The following ANKRD28 variants were observed in gnomAD, a reference collection of about 807,000 sequenced individuals.
The protein encoded by ANKRD28 is ankyrin repeat domain 28.
ANKRD28 carries 44 observed loss-of-function variants against 126.5 expected under a neutral mutation model. The ratio of observed to expected loss-of-function variants is 0.35; its 90% confidence interval spans 0.27 to 0.45. The LOEUF (loss-of-function observed/expected upper bound fraction) is 0.45. Among genes scored for constraint, ANKRD28 ranks in the 20% least tolerant of loss-of-function variants. The pLI is 1.00. For synonymous variants in ANKRD28, 442 were observed against 468.5 expected, an observed-to-expected ratio of 0.94 and a Z score of 0.73; for missense variants, 1,110 against 1,316.6, an observed-to-expected ratio of 0.84 and a Z score of 2.43.
intron 1 of ANKRD28, among the ~76,000 whole-genome samples, chr3:15,858,997 C>T (rs1004687102): frequency 1.1e-4 from 16 of 152,206 alleles, no homozygotes; most frequent in Admixed American, 3.3e-4. Flanking sequence ...AGGTCGTGAC[C>T]CTGGGTCACG....
At chr3:15,807,122 A>G (rs2060600479) in intron 1 of ANKRD28, among the ~76,000 whole-genome samples, 1 of 152,190 alleles carries the variant, frequency 6.6e-6, no homozygotes, top group Admixed American at 6.5e-5. Flanking sequence ...GCCACATGTT[A>G]ATTGTTATAC....
At position 15,670,047 on chromosome 3, in the gene ANKRD28, T is replaced by C; in HGVS notation, c.*223A>G. ...AACAATTCCACAAAGAATTCTGACA[T>C]CAATGTGTTTTCCTCAGTCAGGTCT... On this transcript the variant is annotated 3_prime_UTR_variant, in exon 28 of 28. Coordinates refer to ENST00000683139, the MANE Select transcript of ANKRD28 (RefSeq NM_001349278.2). The C allele has an allele frequency of 2.0e-6, 1 of 511,376 alleles. No homozygotes were observed. Among genetic ancestry groups the C allele is most frequent in the Admixed American group, 3.4e-5 (1 of 29,354 alleles). 31.7% of individuals were successfully genotyped at this position (511,376 alleles called of 1,614,324 possible). A position where few individuals can be genotyped will look rare whatever the true frequency, so the allele number is the denominator to read the frequency against.
intron 1 of ANKRD28, among the ~76,000 whole-genome samples, chr3:15,856,272 G>A (rs773836563): frequency 2.0e-5 from 3 of 152,040 alleles, no homozygotes; most frequent in African/African-American, 4.8e-5. Flanking sequence ...TAACATACTT[G>A]TTGTTCTTAT....
intron 14 of ANKRD28, among the ~76,000 whole-genome samples, chr3:15,698,190 C>A (rs550000963): frequency 6.6e-6 from 1 of 152,084 alleles, no homozygotes; most frequent in East Asian, 1.9e-4. Context: ...AATTCAACAG[C>A]ACTTCATGCT....
At chr3:15,825,677 A>G (rs547279236) in intron 1 of ANKRD28, among the ~76,000 whole-genome samples, 1 of 152,326 alleles carries the variant, frequency 6.6e-6, no homozygotes, top group South Asian at 2.1e-4. Flanking sequence ...AGTGACCCCT[A>G]AAACAAAGTA....
intron 1 of ANKRD28, among the ~76,000 whole-genome samples, chr3:15,841,674 A>T (rs1434353810): frequency 6.6e-6 from 1 of 152,260 alleles, no homozygotes; most frequent in Non-Finnish European, 1.5e-5. Context: ...AAACAGGTAC[A>T]TGAAAAGGGT....
At chr3:15,724,787 T>G (rs2074031323) in intron 6 of ANKRD28, among the ~76,000 whole-genome samples, 1 of 152,102 alleles carries the variant, frequency 6.6e-6, no homozygotes, top group South Asian at 2.1e-4. Flanking sequence ...GAGACCAGCC[T>G]AGGCAACACA....
intron 27 of ANKRD28, among the ~76,000 whole-genome samples, chr3:15,671,332 G>A (rs574921447): frequency 6.6e-6 from 1 of 152,156 alleles, no homozygotes; most frequent in Non-Finnish European, 1.5e-5. Context: ...CGGAGCGGGA[G>A]AGAAGTGATA....
Position 15,821,615 on chromosome 3 carries a change from G to A in ANKRD28, c.28-26309C>T, listed in dbSNP as rs186329887. Among the ~76,000 whole-genome samples the A allele has an allele frequency of 8.2e-4, 125 of 152,242 alleles. 2 individuals are homozygous for A. Among genetic ancestry groups the A allele is most frequent in the South Asian group, 8.3e-4 (4 of 4,824 alleles). On this transcript the variant is annotated intron_variant, in intron 1 of 27. Transcript: ENST00000399451. ...CAGAATCAACATTTTCATAATTCTA[G>A]AATTCAATTAAAACCTTATAACAAC...
chr3:15,786,562 T>C (rs911365856), intron 2 of ANKRD28, among the ~76,000 whole-genome samples: 1 of 152,082 alleles, frequency 6.6e-6, no homozygotes, highest in Admixed American at 6.6e-5. Flanking sequence ...TTCATAGGTG[T>C]ATGCATGTAT....
chr3:15,810,660 G>A (rs1265829183), intron 1 of ANKRD28, among the ~76,000 whole-genome samples: 1 of 149,568 alleles, frequency 6.7e-6, no homozygotes, highest in Non-Finnish European at 1.5e-5. Context: ...AACACTACAT[G>A]AGTTAGGTCA....
At chr3:15,716,257 C>T (rs1403465590) in intron 8 of ANKRD28, among the ~76,000 whole-genome samples, 1 of 149,890 alleles carries the variant, frequency 6.7e-6, no homozygotes, top group African/African-American at 2.5e-5. Context: ...GCTAGGATTA[C>T]AGGCATGAGC....
At chr3:15,822,747 T>C (rs577535065) in intron 1 of ANKRD28, among the ~76,000 whole-genome samples, 149 of 151,524 alleles carry the variant, frequency 9.8e-4, no homozygotes, top group African/African-American at 3.2e-3. Flanking sequence ...TTAGAGAATA[T>C]TGATGTTAAA....
At chr3:15,710,511 G>C (rs1310991502) in intron 12 of ANKRD28, among the ~76,000 whole-genome samples, 2 of 151,158 alleles carry the variant, frequency 1.3e-5, no homozygotes, top group East Asian at 3.9e-4. Context: ...CTGTGCTGGT[G>C]TACTCTTGGT....
chr3:15,704,032 T>C (rs941341725), intron 14 of ANKRD28, among the ~76,000 whole-genome samples: 1 of 152,158 alleles, frequency 6.6e-6, no homozygotes, highest in African/African-American at 2.4e-5. Flanking sequence ...CCTTCTCTTA[T>C]ATACATACTA....
At chr3:15,700,647 G>A (rs1468843937) in intron 14 of ANKRD28, among the ~76,000 whole-genome samples, 5 of 151,964 alleles carry the variant, frequency 3.3e-5, no homozygotes, top group African/African-American at 4.8e-5. Flanking sequence ...GGTGGCGGGC[G>A]CCTGTAGTCC....
At chr3:15,730,068 G>C (rs2074468391) in intron 6 of ANKRD28, among the ~76,000 whole-genome samples, 1 of 151,928 alleles carries the variant, frequency 6.6e-6, no homozygotes, top group African/African-American at 2.4e-5. Flanking sequence ...TGTTGCCCAG[G>C]CTGGTCTTCA....
intron 4 of ANKRD28, among the ~76,000 whole-genome samples, chr3:15,743,345 T>C (rs2057235114): frequency 6.6e-6 from 1 of 150,904 alleles, no homozygotes; most frequent in African/African-American, 2.4e-5. Flanking sequence ...CACCCAAGAA[T>C]GATCAATAAA....
At position 15,685,118 on chromosome 3, in the gene ANKRD28, T is replaced by C. The variant is rs189544083; in HGVS notation, c.2389+108A>G. On this transcript the variant is annotated intron_variant, in intron 21 of 27. Transcript: ENST00000683139. ...GTACGTGAGCCTATACAGTAGATTATTCCCAAGGTTTTTGCTAATTTTAAA... is the reference window on the plus strand; with the variant it reads ...GTACGTGAGCCTATACAGTAGATTACTCCCAAGGTTTTTGCTAATTTTAAA... 180 of 1,120,420 alleles carry C rather than the reference T, an allele frequency of 1.6e-4. No individual in the cohort carries two copies. In the East Asian group the frequency reaches 4.0e-3, roughly 25 times the overall value. 69.4% of individuals were successfully genotyped at this position (1,120,420 alleles called of 1,614,324 possible).
Sources: allele counts gnomAD v4.1 joint callset (sites outside exome capture counted in the v4.1 genomes callset), GRCh38; gene constraint gnomAD v4.1.1; transcripts MANE v1.5; gene names NCBI Gene and HGNC (gene_info 2026-07-23, HGNC 2026-07-21).